CCSER1: variants seen among roughly 807,000 people sequenced by gnomAD.
The protein encoded by CCSER1 is serine-rich coiled-coil domain-containing protein 1.
CCSER1 carries 41 observed loss-of-function variants against 82.0 expected under a neutral mutation model. The ratio of observed to expected loss-of-function variants is 0.50; its 90% CI spans 0.39 to 0.65. CCSER1 has a LOEUF of 0.65. Among genes scored for constraint, CCSER1 ranks in the 30% least tolerant of loss-of-function variants. The pLI is 0.00. For missense variants in CCSER1, 1,119 were observed against 1,064.2 expected, an observed-to-expected ratio of 1.05 and a Z score of -0.72; for synonymous variants, 414 against 383.9, an observed-to-expected ratio of 1.08 and a Z score of -0.92.
intron 9 of CCSER1, among the ~76,000 whole-genome samples, chr4:91,080,978 T>C (rs1414892917): frequency 6.6e-6 from 1 of 151,936 alleles, no homozygotes; most frequent in Non-Finnish European, 1.5e-5. Flanking sequence ...TACCCAGAGG[T>C]ACAAAGAGGA....
intron 1 of CCSER1, among the ~76,000 whole-genome samples, chr4:90,271,844 ATATATATATATATATATATTTTTTTTTT>A (rs1726409273): frequency 3.6e-4 from 8 of 22,418 alleles, no homozygotes; most frequent in African/African-American, 1.6e-3. Context: ...ATATATATAT[ATATATATATATATATATATTTTTTTTTT>A]TTTTTTTTTT....
intron 10 of CCSER1, among the ~76,000 whole-genome samples, chr4:91,227,913 G>T (rs1036056017): frequency 6.6e-6 from 1 of 151,922 alleles, no homozygotes; most frequent in African/African-American, 2.4e-5. Context: ...TGTAAGTGAA[G>T]AAAAAGAAAT....
chr4:90,592,899 C>A (rs1238290503), intron 5 of CCSER1, among the ~76,000 whole-genome samples: 1 of 152,148 alleles, frequency 6.6e-6, no homozygotes, highest in African/African-American at 2.4e-5. Context: ...TTGAGAAAAT[C>A]TCACTCTTGT....
At chr4:90,223,481 A>C (rs1006390354) in intron 1 of CCSER1, among the ~76,000 whole-genome samples, 1 of 152,242 alleles carries the variant, frequency 6.6e-6, no homozygotes, top group African/African-American at 2.4e-5. Context: ...ACTGTGGGTC[A>C]GAGAAATATT....
intron 7 of CCSER1, among the ~76,000 whole-genome samples, chr4:90,733,379 T>C (rs910534412): frequency 6.6e-6 from 1 of 152,212 alleles, no homozygotes; most frequent in Non-Finnish European, 1.5e-5. Context: ...TTAAATTGCA[T>C]TGTTAATTTT....
chr4:91,526,542 T>C (rs1251198148), intron 10 of CCSER1, among the ~76,000 whole-genome samples: 3 of 152,186 alleles, frequency 2.0e-5, no homozygotes, highest in East Asian at 3.8e-4. Context: ...TTTAAATATA[T>C]TACAGAGTTT....
chr4:91,434,044 C>T (rs547333932), intron 10 of CCSER1, among the ~76,000 whole-genome samples: 106 of 152,240 alleles, frequency 7.0e-4, no homozygotes, highest in African/African-American at 2.3e-3. Context: ...TGTCTGAGGG[C>T]GACTTCTGGA....
intron 8 of CCSER1, among the ~76,000 whole-genome samples, chr4:90,836,333 T>C (rs985907894): frequency 6.6e-6 from 1 of 151,536 alleles, no homozygotes; most frequent in African/African-American, 2.4e-5. Context: ...CAAAAGCTTT[T>C]GTATTAGAAA....
rs572887284 is a variant in CCSER1, at chr4:90,610,243, A to G, written c.1725-17782A>G. ...ACTCCAGACTGGGCGACAGAACAAG[A>G]CTCCATCTCAAATAAATAAATAAAT... On this transcript the variant is annotated intron_variant, in intron 5 of 10. Transcript: ENST00000509176. Among the ~76,000 whole-genome samples the G allele has an allele frequency of 8.3e-5, 12 of 144,338 alleles. No homozygotes were observed. The South Asian group carries it at 2.6e-3, about 32-fold the overall frequency. 94.7% of individuals were successfully genotyped at this position (144,338 alleles called of 152,430 possible).
At chr4:90,447,161 G>A (rs79610475) in intron 4 of CCSER1, among the ~76,000 whole-genome samples, 1,811 of 152,244 alleles carry the variant, frequency 0.012, 16 homozygotes, top group South Asian at 0.022. Context: ...TTGCTGTGTA[G>A]TTTTGTTTTC....
Position 91,343,687 on chromosome 4 carries a change from TGATA to T in CCSER1, c.2218-254881_2218-254878del, listed in dbSNP as rs1747870053. The stretch of plus-strand genomic sequence containing the variant: ...TTTTAATCAAATTTTAGCGTGGAGA[TGATA>T]GATCTTTAACACCTTAATATATTCA... On this transcript the variant is annotated intron_variant, in intron 10 of 10. Coordinates refer to ENST00000509176, the MANE Select transcript of CCSER1 (RefSeq NM_001145065.2). Among the ~76,000 whole-genome samples the T allele has an allele frequency of 2.0e-5, 3 of 152,284 alleles. No homozygotes were observed. The South Asian group carries it at 6.2e-4, about 32-fold the overall frequency.
chr4:90,698,734 T>C (rs538088901), intron 6 of CCSER1, among the ~76,000 whole-genome samples: 3 of 152,114 alleles, frequency 2.0e-5, no homozygotes, highest in East Asian at 3.9e-4. Flanking sequence ...AATAGACAGG[T>C]TAATAGGAGG....
rs531111209 is a variant in CCSER1 at position 90,916,864 on chromosome 4, G to A, written c.2095-6506G>A. On this transcript the variant is annotated intron_variant, in intron 8 of 10. Transcript: ENST00000509176. ...AAAAAGTGGGCAAAGGATATGAACA[G>A]ACACTTCTCAAAAGAAGACGTCTAT... 5.9e-5 allele frequency among the ~76,000 whole-genome samples: 9 copies of A among 151,954 alleles called. No homozygotes were observed. The South Asian group carries it at 1.0e-3, about 18-fold the overall frequency.
chr4:91,407,215 T>G (rs957399428), intron 10 of CCSER1, among the ~76,000 whole-genome samples: 6 of 152,212 alleles, frequency 3.9e-5, no homozygotes, highest in African/African-American at 1.4e-4. Flanking sequence ...TACAAATTAC[T>G]TTGAACAACT....
At position 90,950,316 on chromosome 4, in the gene CCSER1, C is replaced by CT. The variant is rs199814754; in HGVS notation, c.2172+26870dup. On this transcript the variant is annotated intron_variant, in intron 9 of 10. Coordinates refer to ENST00000509176, the MANE Select transcript of CCSER1 (RefSeq NM_001145065.2). ...GCTTCTACATTTCTGAGCCATTACACTGAGGTCTTTTAATTTTTTTTCCCT... is the reference window on the plus strand; with the variant it reads ...GCTTCTACATTTCTGAGCCATTACACTTGAGGTCTTTTAATTTTTTTTCCCT... Among the ~76,000 whole-genome samples the CT allele has an allele frequency of 7.3e-3, 1,108 of 152,086 alleles. 5 individuals are homozygous for CT. The highest frequency in any genetic ancestry group is 0.026 in the African/African-American group (1,069 of 41,486).
intron 8 of CCSER1, among the ~76,000 whole-genome samples, chr4:90,851,328 A>C (rs1400518367): frequency 6.6e-6 from 1 of 152,172 alleles, no homozygotes; most frequent in African/African-American, 2.4e-5. Context: ...CACATATTTT[A>C]ACCCTTGAGA....
At chr4:90,866,660 CA>C (rs1467836043) in intron 8 of CCSER1, among the ~76,000 whole-genome samples, 1 of 152,038 alleles carries the variant, frequency 6.6e-6, no homozygotes, top group Non-Finnish European at 1.5e-5. Context: ...CAAAACTAAT[CA>C]GAGATTACGT....
chr4:91,366,522 T>C (rs549457186), intron 10 of CCSER1, among the ~76,000 whole-genome samples: 4 of 152,248 alleles, frequency 2.6e-5, no homozygotes, highest in Admixed American at 1.3e-4. Context: ...TCAAATATTC[T>C]TTTAAGAGTA....
At chr4:91,238,694 T>C (rs766853997) in intron 10 of CCSER1, among the ~76,000 whole-genome samples, 33 of 152,206 alleles carry the variant, frequency 2.2e-4, no homozygotes, top group Non-Finnish European at 4.1e-4. Context: ...TTATCCAGTA[T>C]TGAGTACCCA....
Sources: allele counts gnomAD v4.1 joint callset (sites outside exome capture counted in the v4.1 genomes callset), GRCh38; gene constraint gnomAD v4.1.1; transcripts MANE v1.5; gene names NCBI Gene and HGNC (gene_info 2026-07-23, HGNC 2026-07-21).